PCDH9: variants seen among roughly 807,000 people sequenced by gnomAD.
PCDH9 encodes protocadherin-9.
A neutral mutation model predicts 70.6 loss-of-function variants in PCDH9; 24 were observed. The observed-to-expected ratio is 0.34, with a 90% CI of 0.25 to 0.48. The LOEUF (loss-of-function observed/expected upper bound fraction) is 0.48. PCDH9 is among the 20% of genes least tolerant of loss of function. The pLI, the probability that PCDH9 is intolerant of heterozygous loss-of-function variation, is 0.99. For missense variants in PCDH9, 1,281 were observed against 1,503.6 expected, an observed-to-expected ratio of 0.85 and a Z score of 2.45; for synonymous variants, 562 against 558.5, an observed-to-expected ratio of 1.01 and a Z score of -0.09.
At chr13:66,853,162 TA>T (rs1394998536) in intron 3 of PCDH9, among the ~76,000 whole-genome samples, 1 of 150,386 alleles carries the variant, frequency 6.6e-6, no homozygotes, top group Non-Finnish European at 1.5e-5. Context: ...ATGGTGGTTA[TA>T]AAAAAAGTTA....
rs1331827565 is a variant in PCDH9, at chr13:66,559,884, T to G, written c.3340+71326A>C. On this transcript the variant is annotated intron_variant, in intron 4 of 4. Transcript: ENST00000377865. ...CACACGGATCAGGATTCAAATGTAC[T>G]AACGTGATACAAGGCCTATCACTTT... 1.8e-4 allele frequency among the ~76,000 whole-genome samples: 26 copies of G among 144,204 alleles called. No homozygotes were observed. In the East Asian group the frequency reaches 4.4e-3, roughly 24 times the overall value. 94.6% of individuals were successfully genotyped at this position (144,204 alleles called of 152,430 possible). A position where few individuals can be genotyped will look rare whatever the true frequency, so the allele number is the denominator to read the frequency against.
intron 4 of PCDH9, among the ~76,000 whole-genome samples, chr13:66,488,425 T>C (rs1226479376): frequency 1.3e-5 from 2 of 152,260 alleles, no homozygotes; most frequent in East Asian, 3.9e-4. Context: ...CAAATGCAAT[T>C]GGTATTACAA....
intron 2 of PCDH9, among the ~76,000 whole-genome samples, chr13:67,152,087 CA>C (rs2087677126): frequency 6.6e-6 from 1 of 152,152 alleles, no homozygotes; most frequent in Non-Finnish European, 1.5e-5. Flanking sequence ...GAAGAACTTA[CA>C]AGACTTTTTG....
chr13:66,720,355 G>A (rs1394551219), intron 3 of PCDH9, among the ~76,000 whole-genome samples: 2 of 146,096 alleles, frequency 1.4e-5, no homozygotes, highest in Non-Finnish European at 3.0e-5. Flanking sequence ...TAGAGACAGG[G>A]TTTCACCATG....
chr13:66,899,772 T>C (rs1268674787), intron 3 of PCDH9, among the ~76,000 whole-genome samples: 2 of 152,006 alleles, frequency 1.3e-5, no homozygotes, highest in East Asian at 3.8e-4. Flanking sequence ...TTTATTCCGG[T>C]GCTTCGATTT....
intron 3 of PCDH9, among the ~76,000 whole-genome samples, chr13:66,661,613 T>G (rs1454678772): frequency 6.6e-6 from 1 of 152,170 alleles, no homozygotes; most frequent in Non-Finnish European, 1.5e-5. Context: ...AAATGAAAAG[T>G]TGGAAATAAT....
At chr13:67,001,613 G>A (rs556900449) in intron 2 of PCDH9, among the ~76,000 whole-genome samples, 1 of 152,246 alleles carries the variant, frequency 6.6e-6, no homozygotes, top group South Asian at 2.1e-4. Flanking sequence ...GACTGAAAGA[G>A]AGAGAGAGGG....
At chr13:66,314,584 A>G (rs1474635145) in intron 4 of PCDH9, among the ~76,000 whole-genome samples, 1 of 152,188 alleles carries the variant, frequency 6.6e-6, no homozygotes, top group East Asian at 1.9e-4. Context: ...TCTTTCTCCT[A>G]GGGACAATAT....
intron 4 of PCDH9, among the ~76,000 whole-genome samples, chr13:66,527,921 G>C (rs2015126578): frequency 6.6e-6 from 1 of 152,076 alleles, no homozygotes; most frequent in Non-Finnish European, 1.5e-5. Context: ...GGGAGGCTGA[G>C]GCAGGAGAAT....
chr13:66,996,477 G>T (rs377033018), intron 2 of PCDH9, among the ~76,000 whole-genome samples: 292 of 152,238 alleles, frequency 1.9e-3, no homozygotes, highest in Middle Eastern at 0.017. Context: ...TTTGAAAAAA[G>T]ATTCTACTAC....
At chr13:66,489,239 T>G (rs749747950) in intron 4 of PCDH9, among the ~76,000 whole-genome samples, 2 of 152,186 alleles carry the variant, frequency 1.3e-5, no homozygotes, top group African/African-American at 4.8e-5. Context: ...TGTTACCGCA[T>G]TGAAAAATTA....
chr13:66,618,788 G>C (rs2077389126), intron 4 of PCDH9, among the ~76,000 whole-genome samples: 1 of 152,130 alleles, frequency 6.6e-6, no homozygotes, highest in African/African-American at 2.4e-5. Flanking sequence ...TACATATCCA[G>C]GGTTAAGTAA....
chr13:66,426,872 G>A (rs976661191), intron 4 of PCDH9, among the ~76,000 whole-genome samples: 29 of 151,314 alleles, frequency 1.9e-4, no homozygotes, highest in African/African-American at 7.0e-4. Flanking sequence ...CTTTTAACAT[G>A]TTTTATAATT....
At chr13:66,498,221 T>A (rs1456016899) in intron 4 of PCDH9, among the ~76,000 whole-genome samples, 10 of 3,260 alleles carry the variant, frequency 3.1e-3, no homozygotes, top group Non-Finnish European at 6.5e-3. Context: ...TCGGCTCACT[T>A]GAAAGCTCCA....
intron 3 of PCDH9, among the ~76,000 whole-genome samples, chr13:66,869,259 G>A (rs1170918532): frequency 6.6e-6 from 1 of 152,104 alleles, no homozygotes; most frequent in East Asian, 1.9e-4. Context: ...TAGCAATGAA[G>A]AGTTTTAATA....
intron 3 of PCDH9, among the ~76,000 whole-genome samples, chr13:66,736,519 G>C (rs557592017): frequency 1.3e-5 from 2 of 152,160 alleles, no homozygotes; most frequent in African/African-American, 4.8e-5. Flanking sequence ...AATTTCTGTT[G>C]TTTAAGCCAC....
chr13:66,949,606 C>A (rs1413012504), intron 2 of PCDH9, among the ~76,000 whole-genome samples: 1 of 151,852 alleles, frequency 6.6e-6, no homozygotes, highest in Non-Finnish European at 1.5e-5. Flanking sequence ...CTCTGCATCT[C>A]GGAGGCTTTT....
At chr13:66,425,150 T>C (rs893633496) in intron 4 of PCDH9, among the ~76,000 whole-genome samples, 3 of 151,864 alleles carry the variant, frequency 2.0e-5, no homozygotes, top group Non-Finnish European at 2.9e-5. Context: ...ATGAAGAGTA[T>C]TGCACTATAT....
chr13:66,824,711 T>G lies in PCDH9; in HGVS notation c.3138+78793A>C, dbSNP rs1165679031. ...ATATATATATATGCACACACACATATATATATACACACACACATATATATA... is the reference window on the plus strand; with the variant it reads ...ATATATATATATGCACACACACATAGATATATACACACACACATATATATA... On this transcript the variant is annotated intron_variant, in intron 3 of 4. Coordinates refer to ENST00000377865, the MANE Select transcript of PCDH9 (RefSeq NM_203487.3). 2.1e-5 allele frequency among the ~76,000 whole-genome samples: 3 copies of G among 141,484 alleles called. No homozygotes were observed. The Admixed American group carries it at 2.1e-4, about 10-fold the overall frequency. 92.8% of individuals were successfully genotyped at this position (141,484 alleles called of 152,430 possible).
Sources: gnomAD v4.1 joint callset for allele counts (sites outside exome capture counted in the v4.1 genomes callset) on GRCh38, gnomAD v4.1.1 for gene constraint, MANE v1.5 for transcripts, NCBI Gene and HGNC (gene_info 2026-07-23, HGNC 2026-07-21) for gene names.